The following STXBP5L variants were observed in gnomAD, a reference collection of about 807,000 sequenced individuals.
The protein encoded by STXBP5L is syntaxin binding protein 5L.
Under a neutral mutation model 144.5 loss-of-function variants are expected in STXBP5L, and 65 were observed. The ratio of observed to expected loss-of-function variants is 0.45; its 90% CI spans 0.37 to 0.55. The LOEUF is 0.55. Among genes scored for constraint, STXBP5L ranks in the 20% least tolerant of loss-of-function variants. STXBP5L has a pLI of 0.00. For synonymous variants in STXBP5L, 505 were observed against 469.6 expected (o/e 1.08, Z -0.97); for missense variants, 1,298 against 1,405.5 (o/e 0.92, Z 1.22).
At chr3:121,386,596 G>T (rs138837135) in intron 22 of STXBP5L, among the ~76,000 whole-genome samples, 1 of 151,632 alleles carries the variant, frequency 6.6e-6, no homozygotes. Flanking sequence ...TGTTCCCTGC[G>T]CTGTGTCCAA....
intron 20 of STXBP5L, among the ~76,000 whole-genome samples, chr3:121,354,684 C>T (rs1476019679): frequency 6.6e-6 from 1 of 151,754 alleles, no homozygotes; most frequent in Admixed American, 6.6e-5. Flanking sequence ...ACATTTAGCC[C>T]ATTTACATTT....
At chr3:121,118,339 A>T (rs1359696709) in intron 6 of STXBP5L, among the ~76,000 whole-genome samples, 3 of 151,722 alleles carry the variant, frequency 2.0e-5, no homozygotes, top group Admixed American at 2.0e-4. Context: ...GGTGAGTTTC[A>T]GTTAGATGAG....
chr3:120,960,386 T>G (rs765856784), intron 3 of STXBP5L, among the ~76,000 whole-genome samples: 22 of 152,228 alleles, frequency 1.4e-4, no homozygotes, highest in Non-Finnish European at 2.8e-4. Context: ...AAATACCATT[T>G]GACCCAGCCA....
intron 3 of STXBP5L, among the ~76,000 whole-genome samples, chr3:120,976,974 C>A (rs549752988): frequency 6.6e-6 from 1 of 151,856 alleles, no homozygotes; most frequent in Non-Finnish European, 1.5e-5. Context: ...ACTATGTGGT[C>A]AATTTTGGAA....
intron 2 of STXBP5L, among the ~76,000 whole-genome samples, chr3:120,950,694 A>G (rs991658035): frequency 2.0e-4 from 30 of 152,194 alleles, no homozygotes; most frequent in Non-Finnish European, 4.0e-4. Context: ...GCTCATGGGT[A>G]GGAAGAATCA....
chr3:121,122,110 T>A (rs1274157340), intron 7 of STXBP5L, among the ~76,000 whole-genome samples: 1 of 151,150 alleles, frequency 6.6e-6, no homozygotes, highest in African/African-American at 2.4e-5. Context: ...TGTACTAATA[T>A]ATAAAATGTT....
intron 12 of STXBP5L, among the ~76,000 whole-genome samples, chr3:121,235,925 A>G (rs1352789529): frequency 6.6e-6 from 1 of 152,034 alleles, no homozygotes; most frequent in African/African-American, 2.4e-5. Context: ...ATAATATGGC[A>G]AAAAACTGTT....
intron 9 of STXBP5L, among the ~76,000 whole-genome samples, chr3:121,186,601 G>C (rs1165315748): frequency 1.3e-5 from 2 of 152,034 alleles, no homozygotes; most frequent in African/African-American, 4.8e-5. Context: ...TACATTTTTT[G>C]ATTTTCATAT....
At chr3:120,922,004 C>T (rs1321068466) in intron 2 of STXBP5L, among the ~76,000 whole-genome samples, 1 of 151,522 alleles carries the variant, frequency 6.6e-6, no homozygotes, top group Non-Finnish European at 1.5e-5. Context: ...TGTGAAGAAA[C>T]ATTGGTATTT....
chr3:120,995,510 T>C (rs910831590), intron 3 of STXBP5L, among the ~76,000 whole-genome samples: 16 of 152,266 alleles, frequency 1.1e-4, no homozygotes, highest in Middle Eastern at 3.4e-3. Flanking sequence ...TAATTGAACA[T>C]TTTTAATGAT....
At chr3:121,346,377 G>A (rs2044982850) in intron 20 of STXBP5L, among the ~76,000 whole-genome samples, 1 of 151,856 alleles carries the variant, frequency 6.6e-6, no homozygotes, top group African/African-American at 2.4e-5. Flanking sequence ...TTGGTTCCAA[G>A]TCTTTGCTAT....
chr3:121,282,378 A>T (rs758361345), intron 19 of STXBP5L: 4 of 1,576,932 alleles, frequency 2.5e-6, no homozygotes, highest in Non-Finnish European at 3.5e-6. Flanking sequence ...TTTTTAAGAC[A>T]TAATGCTTGA....
At chr3:121,218,335 TATATA>T (rs928704321) in intron 10 of STXBP5L, among the ~76,000 whole-genome samples, 3 of 134,324 alleles carry the variant, frequency 2.2e-5, no homozygotes, top group African/African-American at 5.5e-5. Flanking sequence ...TACTAGCTTA[TATATA>T]ATATACTATA....
At chr3:120,951,148 C>T (rs868012830) in intron 2 of STXBP5L, among the ~76,000 whole-genome samples, 1 of 152,142 alleles carries the variant, frequency 6.6e-6, no homozygotes, top group South Asian at 2.1e-4. Flanking sequence ...ACACAAAAAT[C>T]AATTCAAGAT....
intron 20 of STXBP5L, among the ~76,000 whole-genome samples, chr3:121,319,062 C>A (rs2043883418): frequency 6.6e-6 from 1 of 151,874 alleles, no homozygotes; most frequent in Non-Finnish European, 1.5e-5. Context: ...AATAAAGATT[C>A]CTAGGGATAA....
At chr3:121,105,421 A>AATAAATAAATAAATAAAT in intron 5 of STXBP5L, among the ~76,000 whole-genome samples, 1 of 152,024 alleles carries the variant, frequency 6.6e-6, no homozygotes. Context: ...TAAATAAATA[A>AATAAATAAATAAATAAAT]AAAGATGTAC....
chr3:121,418,228 A>C, intron 25 of STXBP5L, 109 bp from the exon 26 acceptor site: 2 of 1,250,540 alleles, frequency 1.6e-6, no homozygotes, highest in Non-Finnish European at 2.2e-6. Context: ...CTCTCTTTTA[A>C]TGAGAATTAT....
At chr3:120,992,495 C>T (rs971371401) in intron 3 of STXBP5L, among the ~76,000 whole-genome samples, 1 of 152,066 alleles carries the variant, frequency 6.6e-6, no homozygotes, top group Non-Finnish European at 1.5e-5. Flanking sequence ...ATTCTACACT[C>T]TACCTTCATG....
intron 3 of STXBP5L, among the ~76,000 whole-genome samples, chr3:120,978,281 A>G (rs372730268): frequency 1.3e-5 from 2 of 151,954 alleles, no homozygotes; most frequent in African/African-American, 4.8e-5. Flanking sequence ...CCTTCTCACT[A>G]CATTTCATTC....
Sources: allele counts gnomAD v4.1 joint callset (sites outside exome capture counted in the v4.1 genomes callset), GRCh38; gene constraint gnomAD v4.1.1; transcripts MANE v1.5; gene names NCBI Gene and HGNC (gene_info 2026-07-23, HGNC 2026-07-21).